Variants in GMDS observed in about 807,000 individuals in gnomAD.
The protein encoded by GMDS is GDP-mannose 4,6-dehydratase.
Under a neutral mutation model 49.9 loss-of-function variants are expected in GMDS, and 20 were observed. That is an observed-to-expected ratio of 0.40 (90% CI 0.28 to 0.58). The LOEUF (loss-of-function observed/expected upper bound fraction) is 0.58. GMDS is among the 20% of genes least tolerant of loss of function. GMDS has a pLI of 0.42. For missense variants in GMDS, 362 were observed against 481.4 expected (o/e 0.75, Z 2.32); for synonymous variants, 177 against 178.6 (o/e 0.99, Z 0.07).
At chr6:2,020,834 A>C (rs1768233643) in intron 4 of GMDS, among the ~76,000 whole-genome samples, 1 of 152,224 alleles carries the variant, frequency 6.6e-6, no homozygotes, top group Non-Finnish European at 1.5e-5. Context: ...TGTTGCTTAA[A>C]CCATACATCA....
At chr6:2,212,706 G>C (rs1201152929) in intron 1 of GMDS, among the ~76,000 whole-genome samples, 49 of 62,508 alleles carry the variant, frequency 7.8e-4, no homozygotes, top group Non-Finnish European at 1.1e-3. Context: ...AGATTAACTT[G>C]TAAAAAAAAA....
At chr6:2,118,673 G>C (rs935517038) in intron 2 of GMDS, among the ~76,000 whole-genome samples, 2 of 152,158 alleles carry the variant, frequency 1.3e-5, no homozygotes, top group African/African-American at 4.8e-5. Flanking sequence ...TTGGTTAGTT[G>C]CTTTGGAAGA....
chr6:1,646,697 T>C (rs1252237452), intron 9 of GMDS, among the ~76,000 whole-genome samples: 2 of 152,194 alleles, frequency 1.3e-5, no homozygotes, highest in Non-Finnish European at 2.9e-5. Context: ...TATCTTTCAA[T>C]ATGATCCCAA....
At chr6:2,243,843 CTTTTTTTTTTTTT>C (rs68171156) in intron 1 of GMDS, among the ~76,000 whole-genome samples, 894 of 58,210 alleles carry the variant, frequency 0.015, 11 homozygotes, top group African/African-American at 0.025. Flanking sequence ...ACTTCTCCTT[CTTTTTTTTTTTTT>C]TTTTTTTTTT....
At chr6:2,034,168 C>A (rs1361461062) in intron 4 of GMDS, among the ~76,000 whole-genome samples, 2 of 152,140 alleles carry the variant, frequency 1.3e-5, no homozygotes, top group Non-Finnish European at 2.9e-5. Flanking sequence ...TAACAGGGGT[C>A]AGTAAACTTC....
At chr6:1,867,214 C>T (rs929611353) in intron 7 of GMDS, among the ~76,000 whole-genome samples, 42 of 152,202 alleles carry the variant, frequency 2.8e-4, no homozygotes, top group African/African-American at 9.2e-4. Context: ...AAAATGTTCA[C>T]ATACTGCATA....
At chr6:2,192,291 C>T (rs544039130) in intron 1 of GMDS, among the ~76,000 whole-genome samples, 22 of 152,236 alleles carry the variant, frequency 1.4e-4, no homozygotes, top group African/African-American at 5.1e-4. Context: ...GAGGAGCTGC[C>T]CACTGTGGGT....
At chr6:2,215,239 A>C (rs1780270378) in intron 1 of GMDS, among the ~76,000 whole-genome samples, 3 of 152,196 alleles carry the variant, frequency 2.0e-5, no homozygotes, top group African/African-American at 7.2e-5. Flanking sequence ...ATAGAGACAC[A>C]GAGAAAAAGA....
chr6:1,913,032 T>G (rs189694872), intron 7 of GMDS, among the ~76,000 whole-genome samples: 2 of 152,350 alleles, frequency 1.3e-5, no homozygotes, highest in South Asian at 4.1e-4. Flanking sequence ...GTTAACTTGC[T>G]CATTTATTGT....
Position 1,637,869 on chromosome 6 carries a change from G to C in GMDS, c.988-13329C>G, listed in dbSNP as rs1303656703. Among the ~76,000 whole-genome samples the C allele has an allele frequency of 4.6e-5, 7 of 152,202 alleles. No individual in the cohort carries two copies. The East Asian group carries it at 1.2e-3, about 25-fold the overall frequency. On this transcript the variant is annotated intron_variant, in intron 9 of 10. Transcript: ENST00000380815. Reference sequence around the variant, plus strand: ...GGTAGGCAAGGAAACGGCGGTGCTGGTAAGTGGGTAACTTGCCGTGTGCCA... The same window carrying C: ...GGTAGGCAAGGAAACGGCGGTGCTGCTAAGTGGGTAACTTGCCGTGTGCCA...
chr6:2,097,998 T>C (rs1254921504), intron 4 of GMDS, among the ~76,000 whole-genome samples: 3 of 151,088 alleles, frequency 2.0e-5, no homozygotes, highest in African/African-American at 7.4e-5. Flanking sequence ...CAATGCTCCC[T>C]TATGTTTTAA....
intron 1 of GMDS, among the ~76,000 whole-genome samples, chr6:2,159,850 T>C (rs750675755): frequency 1.3e-5 from 2 of 152,112 alleles, no homozygotes; most frequent in African/African-American, 4.8e-5. Context: ...ACACAGTTCA[T>C]CTATGTGTTT....
At chr6:1,722,679 C>T (rs1404481651) in intron 9 of GMDS, among the ~76,000 whole-genome samples, 1 of 152,132 alleles carries the variant, frequency 6.6e-6, no homozygotes, top group Non-Finnish European at 1.5e-5. Context: ...AAGGAACTTG[C>T]CTATGGTCGC....
chr6:2,022,698 G>T (rs1195886075), intron 4 of GMDS, among the ~76,000 whole-genome samples: 1 of 152,114 alleles, frequency 6.6e-6, no homozygotes, highest in Non-Finnish European at 1.5e-5. Context: ...CTGTATTTTT[G>T]AATTTCATTC....
chr6:1,765,455 T>A (rs767184849), intron 7 of GMDS, among the ~76,000 whole-genome samples: 1 of 152,002 alleles, frequency 6.6e-6, no homozygotes, highest in Non-Finnish European at 1.5e-5. Flanking sequence ...TAGGCAAGAG[T>A]GAGCCCAGGA....
intron 7 of GMDS, among the ~76,000 whole-genome samples, chr6:1,879,471 T>C (rs1381251754): frequency 1.3e-5 from 2 of 152,212 alleles, no homozygotes; most frequent in Admixed American, 1.3e-4. Context: ...TGGGCACTTT[T>C]ATACTAAATA....
intron 7 of GMDS, among the ~76,000 whole-genome samples, chr6:1,907,165 C>T (rs1760819184): frequency 1.3e-5 from 2 of 152,164 alleles, no homozygotes; most frequent in Non-Finnish European, 1.5e-5. Flanking sequence ...TGACAACTGG[C>T]TTATGGGGAA....
chr6:1,984,443 A>C (rs1021669966), intron 4 of GMDS, among the ~76,000 whole-genome samples: 1 of 151,214 alleles, frequency 6.6e-6, no homozygotes, highest in Non-Finnish European at 1.5e-5. Context: ...TGAGTAATCT[A>C]ATGAGAGGTA....
At chr6:2,098,888 A>G (rs74688962) in intron 4 of GMDS, among the ~76,000 whole-genome samples, 1 of 152,188 alleles carries the variant, frequency 6.6e-6, no homozygotes, top group Non-Finnish European at 1.5e-5. Flanking sequence ...TTATTATTAT[A>G]TAAGTATTTT....
Sources: allele counts gnomAD v4.1 joint callset (sites outside exome capture counted in the v4.1 genomes callset), GRCh38; gene constraint gnomAD v4.1.1; transcripts MANE v1.5; gene names NCBI Gene and HGNC (gene_info 2026-07-23, HGNC 2026-07-21).